The following CFAP61 variants were observed in gnomAD, a reference collection of about 807,000 sequenced individuals.
The protein encoded by CFAP61 is cilia and flagella associated protein 61.
A neutral mutation model predicts 135.6 loss-of-function variants in CFAP61; 107 were observed. The observed-to-expected ratio is 0.79, with a 90% CI of 0.67 to 0.93. The LOEUF is 0.93. Among genes scored for constraint, CFAP61 ranks in the 40% least tolerant of loss-of-function variants. The pLI, the probability that CFAP61 is intolerant of heterozygous loss-of-function variation, is 0.00. For missense variants in CFAP61, 1,507 were observed against 1,556.2 expected (o/e 0.97, Z 0.53); for synonymous variants, 575 against 578.5 (o/e 0.99, Z 0.09).
intron 26 of CFAP61, among the ~76,000 whole-genome samples, chr20:20,343,696 C>T (rs2058531897): frequency 6.6e-6 from 1 of 152,144 alleles, no homozygotes; most frequent in Admixed American, 6.5e-5. Context: ...AAGGGCCCTT[C>T]GTTTCCAAGT....
At chr20:20,222,925 T>G (rs2048497672) in intron 17 of CFAP61, among the ~76,000 whole-genome samples, 1 of 152,194 alleles carries the variant, frequency 6.6e-6, no homozygotes, top group Admixed American at 6.5e-5. Flanking sequence ...AAAATTACAT[T>G]TATAAAGCAA....
At chr20:20,323,268 T>G (rs2057605262) in intron 25 of CFAP61, 1 of 985,320 alleles carries the variant, frequency 1.0e-6, no homozygotes. Context: ...CTTCGATTTT[T>G]CTAAAAAAGG....
intron 21 of CFAP61, among the ~76,000 whole-genome samples, chr20:20,269,760 A>T (rs967896620): frequency 6.6e-6 from 1 of 152,210 alleles, no homozygotes; most frequent in Admixed American, 6.5e-5. Flanking sequence ...TTTGCTGAAG[A>T]TATTTACCCA....
rs577537742 is a variant in CFAP61, at chr20:20,123,940, C to CT, written c.860-18913dup. Among the ~76,000 whole-genome samples, 18 of 122,866 alleles carry CT rather than the reference C, an allele frequency of 1.5e-4. No homozygotes were observed. In the South Asian group the frequency reaches 4.9e-3, roughly 33 times the overall value. 80.6% of individuals were successfully genotyped at this position (122,866 alleles called of 152,430 possible). On this transcript the variant is annotated intron_variant, in intron 8 of 26. Transcript: ENST00000245957. Reference sequence around the variant, plus strand: ...TGTTTTGTAGTTTCCTTGTAGAGGCCTTTTGCCTTCTTGGTTATGTATATT... The same window carrying CT: ...TGTTTTGTAGTTTCCTTGTAGAGGCCTTTTTGCCTTCTTGGTTATGTATATT...
At chr20:20,120,984 T>A (rs373722665) in intron 8 of CFAP61, among the ~76,000 whole-genome samples, 1 of 152,214 alleles carries the variant, frequency 6.6e-6, no homozygotes, top group East Asian at 1.9e-4. Context: ...GGAATATATT[T>A]TTCCACTTCC....
chr20:20,245,234 A>G (rs2050351007), intron 18 of CFAP61, among the ~76,000 whole-genome samples: 3 of 152,196 alleles, frequency 2.0e-5, no homozygotes, highest in Admixed American at 2.0e-4. Context: ...TACTGGTACC[A>G]ATTTACTGTA....
At chr20:20,307,612 A>G (rs1172698741) in intron 25 of CFAP61, among the ~76,000 whole-genome samples, 3 of 152,196 alleles carry the variant, frequency 2.0e-5, no homozygotes, top group Non-Finnish European at 4.4e-5. Context: ...AATTTAAATG[A>G]GCAGATGTTT....
In CFAP61 at chr20:20,164,174, C is replaced by A. The variant is rs1332356960; in HGVS notation, c.1151C>A (p.Ala384Asp). The change falls in exon 11 of 27, where the codon GCC becomes GAC. Residue 384 changes from alanine (A) to aspartate (D), a missense_variant. Transcript: ENST00000245957. ...PVHFRPIYRG[A>D]SAAFCIQLFC... Reference sequence around the variant, plus strand: ...CACTTCCGCCCCATCTACAGGGGAGCCTCAGCTGCTTTTTGTATTCAGCTG... The same window carrying A: ...CACTTCCGCCCCATCTACAGGGGAGACTCAGCTGCTTTTTGTATTCAGCTG... 10 of 1,614,062 alleles carry A rather than the reference C, an allele frequency of 6.2e-6. No individual in the cohort carries two copies. Among genetic ancestry groups the A allele is most frequent in the Non-Finnish European group, 8.5e-6 (10 of 1,179,974 alleles).
Position 20,290,371 on chromosome 20 carries a change from C to G in CFAP61, c.3196C>G (p.Gln1066Glu), listed in dbSNP as rs377213482. Residue 1066 changes from glutamine (Q) to glutamate (E), a missense_variant, in exon 24 of 27, where the codon CAA becomes GAA. Gln to Glu is a conservative substitution (Grantham distance 29, BLOSUM62 2). Transcript: ENST00000245957. ...KPAIPTPLEVQMAQPNYGLEL... is the reference protein window; with the variant it reads ...KPAIPTPLEVEMAQPNYGLEL... ...TGCCATTCCAACTCCCTTGGAGGTA[C>G]AAATGGCACAGCCTAATTATGTAAG... The G allele has an allele frequency of 3.2e-5, 52 of 1,603,490 alleles. No individual in the cohort carries two copies. The highest frequency in any genetic ancestry group is 4.3e-5 in the Non-Finnish European group (50 of 1,170,310).
chr20:20,107,348 A>G (rs1439411531), intron 8 of CFAP61, among the ~76,000 whole-genome samples: 1 of 152,196 alleles, frequency 6.6e-6, no homozygotes, highest in Non-Finnish European at 1.5e-5. Context: ...CGGTATTTTC[A>G]GACCTCCATG....
intron 17 of CFAP61, among the ~76,000 whole-genome samples, chr20:20,218,258 T>G (rs530856569): frequency 2.0e-5 from 3 of 152,192 alleles, no homozygotes; most frequent in Non-Finnish European, 2.9e-5. Context: ...TGTGCTATTC[T>G]CGTGGTAATG....
intron 21 of CFAP61, 71 bp downstream of exon 21, chr20:20,263,201 C>G: frequency 8.8e-7 from 1 of 1,141,976 alleles, no homozygotes; most frequent in East Asian, 2.5e-5. Flanking sequence ...CATTCTTCAT[C>G]TAGTTCCAGT....
intron 19 of CFAP61, among the ~76,000 whole-genome samples, chr20:20,247,172 AC>A (rs1280406046): frequency 6.6e-6 from 1 of 152,204 alleles, no homozygotes; most frequent in East Asian, 1.9e-4. Flanking sequence ...GTTAAAATTA[AC>A]ATAACACCAA....
intron 3 of CFAP61, among the ~76,000 whole-genome samples, chr20:20,072,642 T>C (rs1037675697): frequency 5.3e-5 from 8 of 152,212 alleles, no homozygotes; most frequent in Admixed American, 2.0e-4. Flanking sequence ...ATGCCCCTTT[T>C]GTTTCTTTTC....
Position 20,187,948 on chromosome 20 carries a change from T to A in CFAP61, c.1404T>A (p.Phe468Leu), listed in dbSNP as rs775423551. ...TACCCAGGTCCATTAATATAAGATT[T>A]GCCACTCTCTTGGATACTCCTGGTG... is the stretch of plus-strand genomic sequence containing the variant. ...AGLLKSINIR[F>L]ATLLDTPGVE... The change falls in exon 14 of 27, where the codon TTT becomes TTA. Residue 468 changes from phenylalanine to leucine, a missense_variant. Physicochemically the swap from Phe to Leu is conservative, Grantham distance 22. Transcript: ENST00000245957. The A allele has an allele frequency of 1.2e-6, 2 of 1,613,424 alleles. No individual in the cohort carries two copies. Among genetic ancestry groups the A allele is most frequent in the South Asian group, 2.2e-5 (2 of 91,058 alleles).
intron 24 of CFAP61, among the ~76,000 whole-genome samples, chr20:20,295,162 G>A (rs953567871): frequency 3.9e-5 from 6 of 152,068 alleles, no homozygotes; most frequent in Admixed American, 6.5e-5. Flanking sequence ...TGTGACCCTC[G>A]TCTTGAGGTG....
chr20:20,199,650 T>C, intron 16 of CFAP61, 118 bp from the exon 17 acceptor site: 1 of 1,096,496 alleles, frequency 9.1e-7, no homozygotes, highest in Middle Eastern at 2.1e-4. Context: ...GCTGATTTTT[T>C]TTTTTCCTCT....
chr20:20,162,617 C>A (rs1295798463), intron 10 of CFAP61, among the ~76,000 whole-genome samples: 1 of 152,086 alleles, frequency 6.6e-6, no homozygotes, highest in African/African-American at 2.4e-5. Flanking sequence ...AAAGAAAAGA[C>A]CTGGAACTTA....
intron 17 of CFAP61, among the ~76,000 whole-genome samples, chr20:20,219,695 A>T (rs1273851202): frequency 6.6e-6 from 1 of 152,236 alleles, no homozygotes; most frequent in African/African-American, 2.4e-5. Context: ...CAAAAATCTG[A>T]GAATAAATTT....
Sources: allele counts gnomAD v4.1 joint callset (sites outside exome capture counted in the v4.1 genomes callset), GRCh38; gene constraint gnomAD v4.1.1; transcripts MANE v1.5; gene names NCBI Gene and HGNC (gene_info 2026-07-23, HGNC 2026-07-21).